Variants in CSNK2A2IP observed in about 807,000 individuals in gnomAD.
The protein encoded by CSNK2A2IP is casein kinase II subunit alpha'-interacting protein.
At chr3:88,348,632 C>T in the CSNK2A2IP span, among the ~76,000 whole-genome samples, 1 of 151,936 alleles carries the variant, frequency 6.6e-6, no homozygotes, top group Non-Finnish European at 1.5e-5. Context: ...TTGGAAAATA[C>T]CATTTTAGGG....
At chr3:88,389,519 T>C in the CSNK2A2IP span, among the ~76,000 whole-genome samples, 1 of 152,200 alleles carries the variant, frequency 6.6e-6, no homozygotes, top group Non-Finnish European at 1.5e-5. Context: ...TGCTGGCTTT[T>C]CTCCTTGTTG....
chr3:88,399,251 G>A, the CSNK2A2IP span, among the ~76,000 whole-genome samples: 4 of 152,054 alleles, frequency 2.6e-5, no homozygotes, highest in Non-Finnish European at 5.9e-5. Flanking sequence ...CATTCTTAGA[G>A]CAAAATGGTT....
chr3:88,417,689 T>C, the CSNK2A2IP span, among the ~76,000 whole-genome samples: 1 of 152,236 alleles, frequency 6.6e-6, no homozygotes, highest in Non-Finnish European at 1.5e-5. Flanking sequence ...TTTATATTGA[T>C]TGCAAATTTG....
chr3:88,351,604 A>C, the CSNK2A2IP span, among the ~76,000 whole-genome samples: 1 of 152,084 alleles, frequency 6.6e-6, no homozygotes, highest in Non-Finnish European at 1.5e-5. Flanking sequence ...CACACCGTAT[A>C]CTGTCTAATA....
At chr3:88,429,885 T>C in the CSNK2A2IP span, among the ~76,000 whole-genome samples, 2 of 151,686 alleles carry the variant, frequency 1.3e-5, no homozygotes, top group Admixed American at 6.6e-5. Flanking sequence ...TCCGAGTAGC[T>C]GGGACTACAG....
At chr3:88,384,493 A>T in the CSNK2A2IP span, among the ~76,000 whole-genome samples, 2 of 152,186 alleles carry the variant, frequency 1.3e-5, no homozygotes, top group African/African-American at 4.8e-5. Flanking sequence ...GTGAGGAGAA[A>T]AAAGGAAGCT....
the CSNK2A2IP span, among the ~76,000 whole-genome samples, chr3:88,394,482 C>A: frequency 6.6e-6 from 1 of 152,276 alleles, no homozygotes; most frequent in Non-Finnish European, 1.5e-5. Context: ...AAGTGATTAT[C>A]CTGCCTCAGC....
chr3:88,350,523 A>G, the CSNK2A2IP span, among the ~76,000 whole-genome samples: 1 of 151,790 alleles, frequency 6.6e-6, no homozygotes, highest in Non-Finnish European at 1.5e-5. Flanking sequence ...AATTTGGAAA[A>G]TGAGAAACTT....
At chr3:88,347,644 T>C in the CSNK2A2IP span, among the ~76,000 whole-genome samples, 2 of 152,086 alleles carry the variant, frequency 1.3e-5, no homozygotes, top group Non-Finnish European at 2.9e-5. Context: ...ACATAATTTT[T>C]GTATGTACTG....
the CSNK2A2IP span, among the ~76,000 whole-genome samples, chr3:88,401,640 A>T: frequency 1.3e-5 from 2 of 152,192 alleles, no homozygotes; most frequent in Non-Finnish European, 2.9e-5. Context: ...CTCTAAATGG[A>T]GAGTTAATAA....
the CSNK2A2IP span, among the ~76,000 whole-genome samples, chr3:88,411,819 T>G: frequency 6.6e-6 from 1 of 150,912 alleles, no homozygotes; most frequent in Non-Finnish European, 1.5e-5. Flanking sequence ...AATATCTAAT[T>G]AATATTTTAT....
chr3:88,402,386 C>G, the CSNK2A2IP span, among the ~76,000 whole-genome samples: 2 of 151,936 alleles, frequency 1.3e-5, no homozygotes, highest in African/African-American at 2.4e-5. Context: ...TGACCAGGAT[C>G]CAGCATTCTG....
chr3:88,464,641 G>A, the CSNK2A2IP span, among the ~76,000 whole-genome samples: 3 of 152,124 alleles, frequency 2.0e-5, no homozygotes, highest in African/African-American at 7.2e-5. Context: ...ACTAAAAGAT[G>A]ATAGTCATGG....
chr3:88,458,056 T>A, the CSNK2A2IP span, among the ~76,000 whole-genome samples: 2 of 151,812 alleles, frequency 1.3e-5, no homozygotes, highest in African/African-American at 4.8e-5. Flanking sequence ...ATTCTTCAGG[T>A]TTTTTTGGTT....
At chr3:88,390,733 C>T in the CSNK2A2IP span, among the ~76,000 whole-genome samples, 1 of 152,054 alleles carries the variant, frequency 6.6e-6, no homozygotes, top group African/African-American at 2.4e-5. Context: ...ATAATTAGTG[C>T]AGCAATATAA....
the CSNK2A2IP span, among the ~76,000 whole-genome samples, chr3:88,356,829 G>C: frequency 1.3e-3 from 198 of 152,108 alleles, no homozygotes; most frequent in African/African-American, 4.7e-3. Context: ...GTGTTTTGAT[G>C]TGAATTTCTC....
At chr3:88,446,419 G>C in the CSNK2A2IP span, among the ~76,000 whole-genome samples, 9 of 152,006 alleles carry the variant, frequency 5.9e-5, no homozygotes, top group South Asian at 4.2e-4. Flanking sequence ...TGTTTTCCCA[G>C]ATCTTCAGTT....
At chr3:88,392,711 A>G in the CSNK2A2IP span, among the ~76,000 whole-genome samples, 1 of 152,208 alleles carries the variant, frequency 6.6e-6, no homozygotes, top group Admixed American at 6.5e-5. Context: ...CAAGGTTGGA[A>G]TAAACTGGAA....
chr3:88,380,253 G>A, the CSNK2A2IP span, among the ~76,000 whole-genome samples: 3 of 151,684 alleles, frequency 2.0e-5, no homozygotes, highest in Admixed American at 6.6e-5. Context: ...CTCCATTTAG[G>A]CCAAACCACA....
Sources: allele counts gnomAD v4.1 joint callset (sites outside exome capture counted in the v4.1 genomes callset), GRCh38; gene constraint gnomAD v4.1.1; transcripts MANE v1.5; gene names NCBI Gene and HGNC (gene_info 2026-07-23, HGNC 2026-07-21).